TENM2: variants seen among roughly 807,000 people sequenced by gnomAD.
The protein encoded by TENM2 is teneurin-2.
TENM2 carries 52 observed loss-of-function variants against 245.2 expected under a neutral mutation model. The ratio of observed to expected loss-of-function variants is 0.21; its 90% confidence interval spans 0.17 to 0.27. The LOEUF (loss-of-function observed/expected upper bound fraction) is 0.27. TENM2 is among the 10% of genes least tolerant of loss of function. The pLI, the probability that TENM2 is intolerant of heterozygous loss-of-function variation, is 1.00. For synonymous variants in TENM2, 1,363 were observed against 1,438.9 expected, an observed-to-expected ratio of 0.95 and a Z score of 1.19; for missense variants, 3,046 against 3,666.8, an observed-to-expected ratio of 0.83 and a Z score of 4.37.
intron 7 of TENM2, among the ~76,000 whole-genome samples, chr5:168,065,411 C>G (rs1790408566): frequency 6.6e-6 from 1 of 152,192 alleles, no homozygotes. Flanking sequence ...CGTCCCTTAA[C>G]TTCTCTTAAC....
At chr5:167,185,039 C>CA in the TENM2 span, among the ~76,000 whole-genome samples, 1 of 152,212 alleles carries the variant, frequency 6.6e-6, no homozygotes, top group East Asian at 1.9e-4. Context: ...TTCACCTGCT[C>CA]ACCTCCTGCT....
At chr5:167,815,777 TG>T (rs1445674080) in intron 2 of TENM2, among the ~76,000 whole-genome samples, 1 of 151,830 alleles carries the variant, frequency 6.6e-6, no homozygotes, top group African/African-American at 2.4e-5. Context: ...TGTGGGAGAA[TG>T]AGAGGGAAAA....
the TENM2 span, among the ~76,000 whole-genome samples, chr5:167,147,946 T>C: frequency 6.6e-6 from 1 of 152,288 alleles, no homozygotes; most frequent in South Asian, 2.1e-4. Context: ...GATTTCTGAC[T>C]ATCTCTTTAA....
intron 2 of TENM2, among the ~76,000 whole-genome samples, chr5:167,518,984 G>A (rs1770580474): frequency 1.3e-5 from 2 of 152,072 alleles, no homozygotes; most frequent in Non-Finnish European, 2.9e-5. Context: ...CTTCTTGTAA[G>A]TTTTATGCAG....
Position 168,247,848 on chromosome 5 carries a change from T to C in TENM2, c.6909T>C (p.Asp2303=). 2 of 1,613,996 alleles carry C rather than the reference T, an allele frequency of 1.2e-6. No individual in the cohort carries two copies. Among genetic ancestry groups the C allele is most frequent in the Non-Finnish European group, 8.5e-7 (1 of 1,179,890 alleles). ...GGTGGAGTGTCCAGTACCGCTATGA[T>C]GGCGTAGGACGGCGGGCTTCCTACA... Residue 2303 remains aspartate, a synonymous_variant, in exon 27 of 29, where the codon GAT becomes GAC. Transcript: ENST00000518659. This position sits in a 1 kb window ranked among gnomAD's most constrained non-coding sequence, Gnocchi z 7.8.
intron 2 of TENM2, among the ~76,000 whole-genome samples, chr5:167,750,542 G>T (rs1309497697): frequency 6.6e-6 from 1 of 152,066 alleles, no homozygotes; most frequent in Non-Finnish European, 1.5e-5. Flanking sequence ...GGGGTGATTG[G>T]TATACCATAG....
At chr5:167,854,174 T>C (rs1313129756) in intron 2 of TENM2, among the ~76,000 whole-genome samples, 1 of 152,084 alleles carries the variant, frequency 6.6e-6, no homozygotes, top group Non-Finnish European at 1.5e-5. Flanking sequence ...AAGATCTCCA[T>C]CTACTCACAT....
intron 13 of TENM2, among the ~76,000 whole-genome samples, chr5:168,189,371 G>T (rs1760749224): frequency 6.6e-6 from 1 of 152,168 alleles, no homozygotes; most frequent in African/African-American, 2.4e-5. Flanking sequence ...TCTACCATTA[G>T]CTCCTTAAAG....
chr5:167,033,955 T>C, the TENM2 span, among the ~76,000 whole-genome samples: 1 of 152,230 alleles, frequency 6.6e-6, no homozygotes, highest in Non-Finnish European at 1.5e-5. Flanking sequence ...TCTTATATCA[T>C]GTTGTAGAAC....
chr5:167,248,973 T>A, the TENM2 span, among the ~76,000 whole-genome samples: 1 of 152,218 alleles, frequency 6.6e-6, no homozygotes, highest in Admixed American at 6.6e-5. Flanking sequence ...AGTCCGCTGA[T>A]CAGTAAAGAG....
the TENM2 span, among the ~76,000 whole-genome samples, chr5:167,238,363 A>T: frequency 1.3e-5 from 2 of 152,190 alleles, no homozygotes; most frequent in Non-Finnish European, 2.9e-5. Flanking sequence ...AATAGAAGAG[A>T]CATTTTGAGG....
At chr5:167,399,668 C>G (rs574019022) in intron 2 of TENM2, among the ~76,000 whole-genome samples, 1 of 152,242 alleles carries the variant, frequency 6.6e-6, no homozygotes, top group African/African-American at 2.4e-5. Flanking sequence ...GACTTCATCT[C>G]TCTGAGTAGA....
intron 2 of TENM2, among the ~76,000 whole-genome samples, chr5:167,588,042 G>C (rs1775622106): frequency 6.6e-6 from 1 of 152,180 alleles, no homozygotes; most frequent in South Asian, 2.1e-4. Context: ...ACTGGGAATG[G>C]CAGGAGGTGA....
chr5:167,791,204 T>C (rs1179890346), intron 2 of TENM2, among the ~76,000 whole-genome samples: 1 of 151,950 alleles, frequency 6.6e-6, no homozygotes, highest in Non-Finnish European at 1.5e-5. Flanking sequence ...AGCTATTATA[T>C]TTCAGTTTTT....
At chr5:167,131,751 C>T in the TENM2 span, among the ~76,000 whole-genome samples, 55 of 152,186 alleles carry the variant, frequency 3.6e-4, no homozygotes, top group African/African-American at 1.3e-3. Flanking sequence ...GAATTGGACT[C>T]CCATAGAAAT....
At chr5:167,339,665 A>G (rs1047666131) in intron 1 of TENM2, among the ~76,000 whole-genome samples, 1 of 151,726 alleles carries the variant, frequency 6.6e-6, no homozygotes, top group African/African-American at 2.4e-5. Context: ...CCATTCTGCT[A>G]TGGTATGTGT....
chr5:168,056,268 GA>G (rs1789533853), intron 6 of TENM2, among the ~76,000 whole-genome samples: 2 of 152,180 alleles, frequency 1.3e-5, no homozygotes, highest in Admixed American at 1.3e-4. Flanking sequence ...GCAATTTACA[GA>G]AAAACACCTT....
chr5:167,968,511 T>C (rs1294588806), intron 4 of TENM2, among the ~76,000 whole-genome samples: 1 of 152,222 alleles, frequency 6.6e-6, no homozygotes, highest in Non-Finnish European at 1.5e-5. Flanking sequence ...GAACCAGCAT[T>C]CATGAGTCCA....
chr5:168,155,360 A>C (rs1757059944), intron 12 of TENM2, among the ~76,000 whole-genome samples: 1 of 91,528 alleles, frequency 1.1e-5, no homozygotes, highest in Non-Finnish European at 2.1e-5. Context: ...AAAAACAAAA[A>C]ACAAACAAAA....
Sources: allele counts gnomAD v4.1 joint callset (sites outside exome capture counted in the v4.1 genomes callset), GRCh38; gene constraint gnomAD v4.1.1; non-coding constraint Gnocchi (gnomAD v3.1); transcripts MANE v1.5; gene names NCBI Gene and HGNC (gene_info 2026-07-23, HGNC 2026-07-21).